Variants in TGFB2 observed in about 807,000 individuals in gnomAD.
TGFB2 encodes the protein transforming growth factor beta-2 proprotein.
Under a neutral mutation model 42.7 loss-of-function variants are expected in TGFB2, and 13 were observed. The ratio of observed to expected loss-of-function variants is 0.30; its 90% CI spans 0.20 to 0.48. The LOEUF (loss-of-function observed/expected upper bound fraction) is 0.48, where lower values mean the gene tolerates loss of function less well. TGFB2 is among the 20% of genes least tolerant of loss of function. The pLI is 0.99. For synonymous variants in TGFB2, 193 were observed against 193.6 expected (o/e 1.00, Z 0.03); for missense variants, 390 against 517.5 (o/e 0.75, Z 2.39).
intron 1 of TGFB2, among the ~76,000 whole-genome samples, chr1:218,391,865 A>T (rs1448803423): frequency 2.0e-5 from 3 of 152,248 alleles, no homozygotes; most frequent in African/African-American, 4.8e-5. Context: ...AAGGAAGGGG[A>T]TAGATAGTTC....
chr1:218,424,974 A>G (rs1249431411), intron 2 of TGFB2, among the ~76,000 whole-genome samples: 2 of 152,196 alleles, frequency 1.3e-5, no homozygotes, highest in Non-Finnish European at 2.9e-5. Context: ...AAGGATGGTG[A>G]CACACCTTGA....
In TGFB2 at chr1:218,441,474, T is replaced by C; in HGVS notation, c.*112T>C. 2.4e-6 allele frequency: 3 copies of C among 1,259,862 alleles called. No individual in the cohort carries two copies. Among genetic ancestry groups the C allele is most frequent in the Non-Finnish European group, 3.2e-6 (3 of 946,416 alleles). The allele number at this position is 1,259,862 out of a possible 1,614,324, so 78.0% of individuals were successfully genotyped here. On this transcript the variant is annotated 3_prime_UTR_variant, in exon 7 of 7. Coordinates refer to ENST00000366930, the MANE Select transcript of TGFB2 (RefSeq NM_003238.6). Reference sequence around the variant, plus strand: ...ACATAAGAGAGCCTTGGTTCATCAGTGTTAAAAAATTTTTGAAAAGGCGGT... The same window carrying C: ...ACATAAGAGAGCCTTGGTTCATCAGCGTTAAAAAATTTTTGAAAAGGCGGT...
chr1:218,432,633 G>A (rs927818441), intron 2 of TGFB2, among the ~76,000 whole-genome samples: 20 of 152,280 alleles, frequency 1.3e-4, no homozygotes, highest in African/African-American at 4.6e-4. Flanking sequence ...AGGTTTAAAG[G>A]ATAGTTAATA....
intron 1 of TGFB2, 57 bp from the exon 2 acceptor site, chr1:218,405,112 T>G (rs1571875083): frequency 1.3e-6 from 2 of 1,519,942 alleles, no homozygotes. Context: ...CGCTACAGTC[T>G]TCTCTGAAAG....
At chr1:218,387,589 C>T (rs778755317) in intron 1 of TGFB2, among the ~76,000 whole-genome samples, 11 of 151,996 alleles carry the variant, frequency 7.2e-5, no homozygotes, top group South Asian at 2.1e-4. Context: ...ACGAGGGAAC[C>T]GAGGCCTGGG....
chr1:218,407,731 A>G (rs1276145331), intron 2 of TGFB2, among the ~76,000 whole-genome samples: 1 of 152,170 alleles, frequency 6.6e-6, no homozygotes, highest in Non-Finnish European at 1.5e-5. Context: ...CAGGTGGGAA[A>G]TGGCAGGGCT....
At chr1:218,352,191 A>G (rs1656890252) in intron 1 of TGFB2, among the ~76,000 whole-genome samples, 1 of 142,682 alleles carries the variant, frequency 7.0e-6, no homozygotes, top group Admixed American at 7.6e-5. Context: ...AAGAGACTGC[A>G]TGGAAGAGCT....
chr1:218,381,406 C>T (rs1012728280), intron 1 of TGFB2, among the ~76,000 whole-genome samples: 2 of 152,000 alleles, frequency 1.3e-5, no homozygotes, highest in Non-Finnish European at 2.9e-5. Context: ...CAGGCAACCG[C>T]CACCAAGCCC....
chr1:218,385,678 G>A (rs1003833420), intron 1 of TGFB2, among the ~76,000 whole-genome samples: 1 of 152,172 alleles, frequency 6.6e-6, no homozygotes, highest in Non-Finnish European at 1.5e-5. Context: ...CATAGCAGGG[G>A]CCTCCTAGTG....
chr1:218,436,178 T>A (rs748416834), intron 5 of TGFB2, 31 bp downstream of exon 5: 1 of 1,600,608 alleles, frequency 6.2e-7, no homozygotes, highest in Non-Finnish European at 8.5e-7. Flanking sequence ...ACCAAGTAAT[T>A]GCATCTGTTA....
At chr1:218,369,334 G>A (rs1242899476) in intron 1 of TGFB2, among the ~76,000 whole-genome samples, 1 of 148,416 alleles carries the variant, frequency 6.7e-6, no homozygotes, top group Non-Finnish European at 1.5e-5. Flanking sequence ...GAAATTCAGT[G>A]AGGAGGTCTT....
chr1:218,437,564 A>C (rs529924775), intron 6 of TGFB2, 68 bp downstream of exon 6: 1 of 1,486,730 alleles, frequency 6.7e-7, no homozygotes, highest in Non-Finnish European at 9.0e-7. Flanking sequence ...TAGTATTTCC[A>C]AATGAGTTGT....
At chr1:218,402,132 C>T (rs578188243) in intron 1 of TGFB2, among the ~76,000 whole-genome samples, 7 of 152,264 alleles carry the variant, frequency 4.6e-5, no homozygotes, top group South Asian at 2.1e-4. Flanking sequence ...GGAAGGCTAC[C>T]GGCTCCTCCC....
chr1:218,378,769 G>T (rs1315836267), intron 1 of TGFB2, among the ~76,000 whole-genome samples: 1 of 47,100 alleles, frequency 2.1e-5, no homozygotes, highest in African/African-American at 1.1e-4. Context: ...ACCACACCCG[G>T]CCTGTTTTTT....
intron 2 of TGFB2, among the ~76,000 whole-genome samples, chr1:218,428,110 C>T (rs535113461): frequency 1.6e-4 from 24 of 152,286 alleles, no homozygotes; most frequent in African/African-American, 5.8e-4. Flanking sequence ...TTTCATGTAT[C>T]TGTTGGCTGC....
chr1:218,381,313 T>G (rs1657954362), intron 1 of TGFB2, among the ~76,000 whole-genome samples: 2 of 150,628 alleles, frequency 1.3e-5, no homozygotes, highest in South Asian at 4.2e-4. Context: ...TGGATTGAAG[T>G]GGCACAGTCT....
intron 1 of TGFB2, among the ~76,000 whole-genome samples, chr1:218,351,492 AT>A (rs1471109386): frequency 2.0e-5 from 3 of 152,200 alleles, no homozygotes; most frequent in Non-Finnish European, 2.9e-5. Flanking sequence ...GTTAGGTCAC[AT>A]GCTCCTCCTT....
intron 2 of TGFB2, among the ~76,000 whole-genome samples, chr1:218,421,223 T>C (rs1659444012): frequency 6.6e-6 from 1 of 152,146 alleles, no homozygotes; most frequent in South Asian, 2.1e-4. Context: ...TCTTGCTTTC[T>C]CTCCCTCATT....
rs1248612292 is a variant in TGFB2, at chr1:218,434,084, T to C, written c.513T>C (p.Ile171=). The C allele has an allele frequency of 6.2e-7, 1 of 1,613,288 alleles. No individual in the cohort carries two copies. The highest frequency in any genetic ancestry group is 1.1e-5 in the South Asian group (1 of 90,970). The change falls in exon 3 of 7, where the codon ATT becomes ATC. Residue 171 remains isoleucine (I), a splice_region_variant and synonymous_variant. Coordinates refer to ENST00000366930, the MANE Select transcript of TGFB2 (RefSeq NM_003238.6). ...CTCTTGCTCTTTTTCCCCTCCAGATTCTCAAGTCCAAAGATTTAACATCTC... is the reference window on the plus strand; with the variant it reads ...CTCTTGCTCTTTTTCCCCTCCAGATCCTCAAGTCCAAAGATTTAACATCTC... ...VPEQRIELYQ[I]LKSKDLTSPT...
Sources: allele counts gnomAD v4.1 joint callset (sites outside exome capture counted in the v4.1 genomes callset), GRCh38; gene constraint gnomAD v4.1.1; transcripts MANE v1.5; gene names NCBI Gene and HGNC (gene_info 2026-07-23, HGNC 2026-07-21).